Variants in MAGI3 observed in about 807,000 individuals in gnomAD.
The protein encoded by MAGI3 is membrane associated guanylate kinase, WW and PDZ domain containing 3, also known as membrane-associated guanylate kinase, WW and PDZ domain-containing protein 3.
Under a neutral mutation model 121.8 loss-of-function variants are expected in MAGI3, and 43 were observed. The ratio of observed to expected loss-of-function variants is 0.35; its 90% confidence interval spans 0.28 to 0.46. MAGI3 has a LOEUF of 0.46. Among genes scored for constraint, MAGI3 ranks in the 20% least tolerant of loss-of-function variants. The pLI, the probability that MAGI3 is intolerant of heterozygous loss-of-function variation, is 1.00. For synonymous variants in MAGI3, 553 were observed against 639.3 expected (o/e 0.86, Z 2.04); for missense variants, 1,547 against 1,797.3 (o/e 0.86, Z 2.52).
At chr1:113,417,534 C>T (rs1652518032) in intron 1 of MAGI3, among the ~76,000 whole-genome samples, 1 of 152,080 alleles carries the variant, frequency 6.6e-6, no homozygotes, top group South Asian at 2.1e-4. Flanking sequence ...ATTTGAATTT[C>T]TTGTATTTAA....
At chr1:113,645,569 A>G (rs79729830) in intron 11 of MAGI3, among the ~76,000 whole-genome samples, 6 of 152,234 alleles carry the variant, frequency 3.9e-5, no homozygotes, top group African/African-American at 7.2e-5. Flanking sequence ...GAATGCTAAG[A>G]TGTATGGGGA....
intron 3 of MAGI3, among the ~76,000 whole-genome samples, chr1:113,584,923 G>C (rs1648259979): frequency 1.3e-5 from 2 of 149,554 alleles, no homozygotes; most frequent in Non-Finnish European, 3.0e-5. Flanking sequence ...TAAGATGAGT[G>C]CTTTGAGCGC....
intron 1 of MAGI3, chr1:113,449,791 A>T: frequency 8.9e-7 from 1 of 1,123,720 alleles, no homozygotes; most frequent in Non-Finnish European, 1.3e-6. Flanking sequence ...AGTTTAAGAG[A>T]ACATTTTGAG....
At chr1:113,682,192 T>C in intron 20 of MAGI3, 1 of 1,590,830 alleles carries the variant, frequency 6.3e-7, no homozygotes, top group Non-Finnish European at 8.5e-7. Flanking sequence ...AGTCCTAGGC[T>C]TTTTCTCTTC....
At chr1:113,487,435 C>A (rs1379726228) in intron 1 of MAGI3, among the ~76,000 whole-genome samples, 1 of 152,028 alleles carries the variant, frequency 6.6e-6, no homozygotes, top group African/African-American at 2.4e-5. Flanking sequence ...CCAGAAGTTG[C>A]AAATTTTTTT....
chr1:113,658,961 G>A lies in MAGI3; in HGVS notation c.2630-119G>A, dbSNP rs1196204054. ...CGATGATGACGTGTGGTACTTTTCTGTTATGTTTTTAAATAATTTTCTTTG... is the reference window on the plus strand; with the variant it reads ...CGATGATGACGTGTGGTACTTTTCTATTATGTTTTTAAATAATTTTCTTTG... On this transcript the variant is annotated intron_variant, in intron 15 of 20. Coordinates refer to ENST00000307546, the MANE Select transcript of MAGI3 (RefSeq NM_001142782.2). The surrounding 1 kb of genome is among the most constrained non-coding windows in gnomAD (Gnocchi z 4.0). 24 of 868,814 alleles carry A rather than the reference G, an allele frequency of 2.8e-5. No individual in the cohort carries two copies. Among genetic ancestry groups the A allele is most frequent in the Non-Finnish European group, 4.3e-5 (24 of 557,798 alleles). 53.8% of individuals were successfully genotyped at this position (868,814 alleles called of 1,614,324 possible). A position where few individuals can be genotyped will look rare whatever the true frequency, so the allele number is the denominator to read the frequency against.
intron 1 of MAGI3, among the ~76,000 whole-genome samples, chr1:113,452,465 C>CAT (rs1654532959): frequency 6.6e-6 from 1 of 151,554 alleles, no homozygotes; most frequent in Non-Finnish European, 1.5e-5. Flanking sequence ...TACACACACA[C>CAT]ACACACACAC....
In MAGI3 at chr1:113,413,260, A is replaced by G. The variant is rs574860622; in HGVS notation, c.316+21911A>G. Among the ~76,000 whole-genome samples the G allele has an allele frequency of 1.6e-4, 25 of 152,296 alleles. No homozygotes were observed. In the East Asian group the frequency reaches 2.7e-3, roughly 16 times the overall value. ...ATATATCTGTTTTGGTACAAGTACC[A>G]TGCTGTTTTGGTCACCGTAGCCTTG... On this transcript the variant is annotated intron_variant, in intron 1 of 20. Coordinates refer to ENST00000307546, the MANE Select transcript of MAGI3 (RefSeq NM_001142782.2).
intron 6 of MAGI3, among the ~76,000 whole-genome samples, chr1:113,598,251 C>A: frequency 7.2e-6 from 1 of 139,740 alleles, no homozygotes; most frequent in Admixed American, 7.6e-5. Flanking sequence ...ACTCACAGGA[C>A]CTATAAAGCA....
At chr1:113,565,367 CT>C (rs780951624) in intron 2 of MAGI3, among the ~76,000 whole-genome samples, 1 of 152,152 alleles carries the variant, frequency 6.6e-6, no homozygotes, top group Non-Finnish European at 1.5e-5. Context: ...AGCATTTCGT[CT>C]GCTTCTCCTG....
At chr1:113,484,638 C>T (rs1656264533) in intron 1 of MAGI3, among the ~76,000 whole-genome samples, 1 of 93,390 alleles carries the variant, frequency 1.1e-5, no homozygotes, top group Admixed American at 1.2e-4. Flanking sequence ...ACCTTTCTCC[C>T]TTCCCTTCCC....
chr1:113,634,222 C>A (rs1335291505), intron 9 of MAGI3, among the ~76,000 whole-genome samples: 1 of 152,010 alleles, frequency 6.6e-6, no homozygotes, highest in Non-Finnish European at 1.5e-5. Context: ...TTTTGCTGTG[C>A]AGAAGCTCTT....
rs1657311349 is a variant in MAGI3 at position 113,506,037 on chromosome 1, G to A, written c.317-43478G>A. Among the ~76,000 whole-genome samples the A allele has an allele frequency of 2.6e-5, 4 of 152,148 alleles. No individual in the cohort carries two copies. In the South Asian group the frequency reaches 6.2e-4, roughly 24 times the overall value. On this transcript the variant is annotated intron_variant, in intron 1 of 20. Transcript: ENST00000307546. ...TAAGAAAGCTCACTCTGATTACTCT[G>A]TAGAAAATTGATTATAGGGTATAAG...
intron 8 of MAGI3, among the ~76,000 whole-genome samples, chr1:113,622,122 A>G (rs1286519987): frequency 6.6e-6 from 1 of 152,216 alleles, no homozygotes; most frequent in African/African-American, 2.4e-5. Flanking sequence ...AAATTTGTTA[A>G]AAAATAGATA....
chr1:113,651,461 A>G (rs1016751277), intron 14 of MAGI3, among the ~76,000 whole-genome samples: 1 of 152,158 alleles, frequency 6.6e-6, no homozygotes, highest in African/African-American at 2.4e-5. Flanking sequence ...CAAATGTATT[A>G]TAGGTGGGAG....
chr1:113,485,510 T>C (rs935157015), intron 1 of MAGI3, among the ~76,000 whole-genome samples: 180 of 152,280 alleles, frequency 1.2e-3, no homozygotes, highest in African/African-American at 4.2e-3. Flanking sequence ...GATGGAATTG[T>C]TTGCTTGGTT....
chr1:113,650,561 A>G (rs765744869), intron 13 of MAGI3, among the ~76,000 whole-genome samples: 8 of 152,184 alleles, frequency 5.3e-5, no homozygotes, highest in Middle Eastern at 3.2e-3. Flanking sequence ...TGCTGTGTAT[A>G]TTGAACTTGT....
chr1:113,679,891 G>A (rs922889678), intron 19 of MAGI3, among the ~76,000 whole-genome samples: 1 of 151,892 alleles, frequency 6.6e-6, no homozygotes, highest in Non-Finnish European at 1.5e-5. Flanking sequence ...TTTTAGTAGA[G>A]ACCGGGTTTC....
At chr1:113,606,314 G>C (rs541146885) in intron 6 of MAGI3, among the ~76,000 whole-genome samples, 1 of 152,160 alleles carries the variant, frequency 6.6e-6, no homozygotes, top group East Asian at 1.9e-4. Context: ...TGTTTATAAA[G>C]CTTTCCATAG....
Sources: gnomAD v4.1 joint callset for allele counts (sites outside exome capture counted in the v4.1 genomes callset) on GRCh38, gnomAD v4.1.1 for gene constraint, Gnocchi (gnomAD v3.1) non-coding constraint, MANE v1.5 for transcripts, NCBI Gene and HGNC (gene_info 2026-07-23, HGNC 2026-07-21) for gene names.